RYR3: variants seen among roughly 807,000 people sequenced by gnomAD.
The protein encoded by RYR3 is brain ryanodine receptor-calcium release channel.
In RYR3, 207 loss-of-function variants were observed where a neutral mutation model predicts 584.3. The ratio of observed to expected loss-of-function variants is 0.35; its 90% CI spans 0.32 to 0.40. The LOEUF is 0.40. Ranked by LOEUF, RYR3 falls within the 10% of genes least tolerant of loss-of-function variation. The pLI, the probability that RYR3 is intolerant of heterozygous loss-of-function variation, is 1.00. For synonymous variants in RYR3, 2,416 were observed against 2,248.5 expected (o/e 1.07, Z -2.11); for missense variants, 5,616 against 6,089.2 (o/e 0.92, Z 2.59).
intron 1 of RYR3, among the ~76,000 whole-genome samples, chr15:33,447,432 C>T (rs1355694345): frequency 3.9e-5 from 6 of 152,162 alleles, no homozygotes; most frequent in African/African-American, 1.4e-4. Context: ...AAAAGGACTT[C>T]CTTCCCCACC....
At chr15:33,584,330 TC>T in intron 14 of RYR3, 64 bp from the exon 15 acceptor site, 1 of 834,560 alleles carries the variant, frequency 1.2e-6, no homozygotes, top group Non-Finnish European at 2.0e-6. Flanking sequence ...TCGACAGCTT[TC>T]CAAGTTCTCA....
rs370823568 is a variant in RYR3 at position 33,813,570 on chromosome 15, A to C, written c.10493A>C (p.Asn3498Thr). Reference protein sequence around the residue: ...VACFRMAPLYNLPRHRSINLF... With the variant: ...VACFRMAPLYTLPRHRSINLF... ...TGTTTCAGGATGGCCCCTCTCTACA[A>C]CCTGCCCAGGCAAGTATTTTGTCTT... Residue 3498 changes from asparagine to threonine, a missense_variant, in exon 74 of 104, where the codon AAC becomes ACC. Asn to Thr is a moderately conservative substitution (Grantham distance 65). This residue lies in a region of RYR3 where 954 missense variants were observed against 1,132.2 expected (regional missense o/e 0.84). Coordinates refer to ENST00000634891, the MANE Select transcript of RYR3 (RefSeq NM_001036.6). 17 of 1,613,334 alleles carry C rather than the reference A, an allele frequency of 1.1e-5. No homozygotes were observed. The highest frequency in any genetic ancestry group is 1.4e-5 in the Non-Finnish European group (16 of 1,179,480).
At chr15:33,431,528 T>C (rs965090494) in intron 1 of RYR3, among the ~76,000 whole-genome samples, 2 of 152,004 alleles carry the variant, frequency 1.3e-5, no homozygotes, top group African/African-American at 4.8e-5. Flanking sequence ...TTTGGGAGGC[T>C]GAGGTGGGCA....
intron 1 of RYR3, among the ~76,000 whole-genome samples, chr15:33,357,171 A>C (rs1200438088): frequency 2.0e-5 from 3 of 152,164 alleles, no homozygotes; most frequent in Non-Finnish European, 2.9e-5. Context: ...AGGAGGGCCC[A>C]GCCCTACTTC....
intron 103 of RYR3, among the ~76,000 whole-genome samples, chr15:33,864,473 AT>A (rs1889738336): frequency 6.6e-6 from 1 of 152,202 alleles, no homozygotes; most frequent in South Asian, 2.1e-4. Flanking sequence ...TTGTCTGACA[AT>A]AAGAAATGGA....
intron 94 of RYR3, chr15:33,850,592 A>G (rs2079035011): frequency 1.3e-5 from 2 of 152,250 alleles, no homozygotes; most frequent in African/African-American, 4.8e-5. Flanking sequence ...ATGGCATCAT[A>G]GTACATGTTC....
intron 1 of RYR3, among the ~76,000 whole-genome samples, chr15:33,404,585 G>GTTTTTTTTTTTTTTTTTTT (rs200311525): frequency 1.6e-5 from 2 of 127,762 alleles, no homozygotes. Flanking sequence ...ATTTACTACT[G>GTTTTTTTTTTTTTTTTTTT]TGTGTTTTTT....
intron 1 of RYR3, among the ~76,000 whole-genome samples, chr15:33,420,842 G>A (rs974121467): frequency 1.3e-5 from 2 of 152,046 alleles, no homozygotes; most frequent in African/African-American, 2.4e-5. Context: ...ACCTACTGTT[G>A]GTAAAATGAA....
chr15:33,765,475 A>C (rs1457182840), intron 60 of RYR3, among the ~76,000 whole-genome samples: 1 of 151,966 alleles, frequency 6.6e-6, no homozygotes, highest in African/African-American at 2.4e-5. Context: ...TCTACTAAAA[A>C]TACAAAAGTT....
In RYR3 at chr15:33,865,236, AAAG is replaced by A. The variant is rs1567374877; in HGVS notation, c.*14_*16del. On this transcript the variant is annotated 3_prime_UTR_variant, in exon 104 of 104. Transcript: ENST00000634891. ...AGATCAGCTTGGATAAATCTGAATC[AAAG>A]AAGCGCGACAATTCTGGACAGTCAA... 1 of 1,591,602 alleles carries A rather than the reference AAAG, an allele frequency of 6.3e-7. No individual in the cohort carries two copies. The highest frequency in any genetic ancestry group is 1.7e-5 in the Admixed American group (1 of 59,108).
At chr15:33,419,685 T>C (rs1453175397) in intron 1 of RYR3, among the ~76,000 whole-genome samples, 2 of 152,158 alleles carry the variant, frequency 1.3e-5, no homozygotes, top group African/African-American at 2.4e-5. Context: ...CTCTAAAACT[T>C]TGCATTCGTT....
At chr15:33,712,207 GC>G (rs1486081793) in intron 43 of RYR3, among the ~76,000 whole-genome samples, 1 of 152,158 alleles carries the variant, frequency 6.6e-6, no homozygotes, top group Non-Finnish European at 1.5e-5. Flanking sequence ...TGTGAAGACA[GC>G]CTCAAGCCAT....
At position 33,785,947 on chromosome 15, in the gene RYR3, G is replaced by A; in HGVS notation, c.9554G>A (p.Gly3185Asp). The A allele has an allele frequency of 6.2e-7, 1 of 1,603,260 alleles. No individual in the cohort carries two copies. Among genetic ancestry groups the A allele is most frequent in the Non-Finnish European group, 8.5e-7 (1 of 1,173,490 alleles). ...CTGAAAATCATCAACAACAACCTGG[G>A]CATCGATGAGGCCTCCTGGATGAAG... ...NILKIINNNLGIDEASWMKRI... is the reference protein window; with the variant it reads ...NILKIINNNLDIDEASWMKRI... Residue 3185 changes from glycine to aspartate, a missense_variant, in exon 66 of 104, where the codon GGC (glycine) becomes GAC (aspartate). Physicochemically the swap from Gly to Asp is moderately conservative, Grantham distance 94 (BLOSUM62 -1). This residue lies in a region of RYR3 where 954 missense variants were observed against 1,132.2 expected (regional missense o/e 0.84). Transcript: ENST00000634891.
chr15:33,395,075 C>A (rs2042220018), intron 1 of RYR3, among the ~76,000 whole-genome samples: 1 of 152,282 alleles, frequency 6.6e-6, no homozygotes, highest in Non-Finnish European at 1.5e-5. Flanking sequence ...AACCTCTGGG[C>A]TAGACAATAC....
At position 33,719,002 on chromosome 15, in the gene RYR3, A is replaced by G. The variant is rs1243666086; in HGVS notation, c.6620-3713A>G. The stretch of plus-strand genomic sequence containing the variant: ...AAGGTCAATATCTAGCTTTACCACA[A>G]TGGATTTGGTTAGCAGTGAAGCTTG... On this transcript the variant is annotated intron_variant, in intron 43 of 103. Transcript: ENST00000634891. Among the ~76,000 whole-genome samples the G allele has an allele frequency of 2.0e-5, 3 of 152,282 alleles. No homozygotes were observed. In the East Asian group the frequency reaches 5.8e-4, roughly 29 times the overall value.
intron 85 of RYR3, among the ~76,000 whole-genome samples, chr15:33,827,614 G>A (rs954953425): frequency 3.3e-5 from 5 of 152,138 alleles, no homozygotes; most frequent in Non-Finnish European, 7.3e-5. Context: ...AATGAGAACA[G>A]ATTTCACTAG....
chr15:33,359,283 C>T (rs1400473435), intron 1 of RYR3, among the ~76,000 whole-genome samples: 2 of 152,212 alleles, frequency 1.3e-5, no homozygotes, highest in Non-Finnish European at 2.9e-5. Flanking sequence ...ACAAAGGCCT[C>T]TACTCACTTT....
intron 16 of RYR3, among the ~76,000 whole-genome samples, chr15:33,596,955 T>C (rs772896234): frequency 6.6e-6 from 1 of 152,102 alleles, no homozygotes; most frequent in Non-Finnish European, 1.5e-5. Context: ...TAGTTTGTAG[T>C]TTAGCTTTGA....
chr15:33,339,717 G>C (rs1157276076), intron 1 of RYR3, among the ~76,000 whole-genome samples: 2 of 152,042 alleles, frequency 1.3e-5, no homozygotes, highest in East Asian at 3.9e-4. Context: ...GTGAAACCCC[G>C]TCTCTACTAA....
Sources: allele counts gnomAD v4.1 joint callset (sites outside exome capture counted in the v4.1 genomes callset), GRCh38; gene constraint gnomAD v4.1.1; regional missense constraint gnomAD v4.1.1; transcripts MANE v1.5; gene names NCBI Gene and HGNC (gene_info 2026-07-23, HGNC 2026-07-21).